The following CCDC7 variants were observed in gnomAD, a reference collection of about 807,000 sequenced individuals.
CCDC7 encodes coiled-coil domain containing 7.
CCDC7 carries 183 observed loss-of-function variants against 196.9 expected under a neutral mutation model. That is an observed-to-expected ratio of 0.93 (90% CI 0.82 to 1.05). The LOEUF is 1.05. Among genes scored for constraint, CCDC7 ranks in the 50% least tolerant of loss-of-function variants. CCDC7 has a pLI of 0.00. For missense variants in CCDC7, 1,540 were observed against 1,482.2 expected, an observed-to-expected ratio of 1.04 and a Z score of -0.64; for synonymous variants, 525 against 484.6, an observed-to-expected ratio of 1.08 and a Z score of -1.10.
intron 28 of CCDC7, among the ~76,000 whole-genome samples, chr10:32,752,763 G>C (rs2075856215): frequency 6.6e-6 from 1 of 152,074 alleles, no homozygotes; most frequent in African/African-American, 2.4e-5. Context: ...GTACCCATAA[G>C]ATTTCTGAAG....
chr10:32,827,655 G>T (rs566446838), intron 32 of CCDC7, among the ~76,000 whole-genome samples: 1 of 150,004 alleles, frequency 6.7e-6, no homozygotes, highest in Admixed American at 6.7e-5. Context: ...GGGGTGGGGG[G>T]CTGGGGGAGG....
chr10:32,448,369 G>A (rs1171766164), upstream of CCDC7, among the ~76,000 whole-genome samples: 2 of 151,506 alleles, frequency 1.3e-5, no homozygotes, highest in Non-Finnish European at 2.9e-5. Flanking sequence ...TTTTCCAGCG[G>A]GGTGTCATCT....
intron 25 of CCDC7, among the ~76,000 whole-genome samples, chr10:32,723,556 A>G (rs1011220690): frequency 6.6e-6 from 1 of 152,128 alleles, no homozygotes; most frequent in Non-Finnish European, 1.5e-5. Flanking sequence ...AAATCTTTCT[A>G]AGCCCAAATA....
intron 21 of CCDC7, among the ~76,000 whole-genome samples, chr10:32,684,200 A>G (rs1294104254): frequency 6.6e-6 from 1 of 152,144 alleles, no homozygotes; most frequent in Non-Finnish European, 1.5e-5. Flanking sequence ...TCAGTATCCT[A>G]GATGGGGCCC....
chr10:32,764,561 T>A (rs2077976038), intron 28 of CCDC7, among the ~76,000 whole-genome samples: 1 of 151,814 alleles, frequency 6.6e-6, no homozygotes. Flanking sequence ...CTATACTAAG[T>A]GAAGTTGAAA....
chr10:32,798,835 G>A (rs1322638069), intron 29 of CCDC7, among the ~76,000 whole-genome samples: 1 of 152,198 alleles, frequency 6.6e-6, no homozygotes. Flanking sequence ...CCACTGTTGG[G>A]TGGTGCCTGT....
intron 28 of CCDC7, among the ~76,000 whole-genome samples, chr10:32,745,570 G>A (rs888351136): frequency 1.3e-5 from 2 of 152,114 alleles, no homozygotes; most frequent in Non-Finnish European, 2.9e-5. Flanking sequence ...TATGAGGGCA[G>A]CACCAAGACA....
intron 28 of CCDC7, among the ~76,000 whole-genome samples, chr10:32,735,825 C>T (rs908864739): frequency 1.3e-5 from 2 of 152,060 alleles, no homozygotes; most frequent in Non-Finnish European, 2.9e-5. Context: ...ATCTATGATC[C>T]ACTATGAGTT....
At chr10:32,645,366 T>C (rs1157507604) in intron 20 of CCDC7, among the ~76,000 whole-genome samples, 1 of 152,188 alleles carries the variant, frequency 6.6e-6, no homozygotes, top group Non-Finnish European at 1.5e-5. Flanking sequence ...TTCCCTGATA[T>C]GAATCCCACT....
At position 32,543,390 on chromosome 10, in the gene CCDC7, G is replaced by A; in HGVS notation, c.1079+5G>A. On this transcript the variant is annotated splice_donor_5th_base_variant and intron_variant, in intron 12 of 41. Coordinates refer to ENST00000639629, the Ensembl canonical transcript of CCDC7. ...AAAATCTGAGGATTCAGAAAAGTAA[G>A]ACATAAAGATACATGTTAATCTTTT... 1.5e-6 allele frequency: 2 copies of A among 1,359,624 alleles called. No homozygotes were observed. Among genetic ancestry groups the A allele is most frequent in the Non-Finnish European group, 2.0e-6 (2 of 1,018,014 alleles). 84.2% of individuals were successfully genotyped at this position (1,359,624 alleles called of 1,614,324 possible). A position where few individuals can be genotyped will look rare whatever the true frequency, so the allele number is the denominator to read the frequency against.
chr10:32,833,506 C>T (rs1405365513), intron 32 of CCDC7, among the ~76,000 whole-genome samples: 1 of 151,982 alleles, frequency 6.6e-6, no homozygotes, highest in Non-Finnish European at 1.5e-5. Flanking sequence ...AGTGCTTAAA[C>T]CTATCTGTCC....
intron 20 of CCDC7, among the ~76,000 whole-genome samples, chr10:32,645,829 T>C (rs188327462): frequency 6.6e-6 from 1 of 152,178 alleles, no homozygotes; most frequent in Admixed American, 6.5e-5. Flanking sequence ...TGGCATATAG[T>C]TGTTTGTAGT....
intron 29 of CCDC7, among the ~76,000 whole-genome samples, chr10:32,780,638 A>G (rs549282882): frequency 6.6e-6 from 1 of 152,182 alleles, no homozygotes; most frequent in Non-Finnish European, 1.5e-5. Context: ...TGGTGCATGC[A>G]TGAAGAAAAG....
intron 29 of CCDC7, among the ~76,000 whole-genome samples, chr10:32,800,549 C>T (rs937298637): frequency 1.3e-5 from 2 of 152,118 alleles, no homozygotes; most frequent in Non-Finnish European, 2.9e-5. Flanking sequence ...TTGAGTCCCC[C>T]GGAATCAATG....
At chr10:32,711,397 AAC>A (rs752235015) in intron 24 of CCDC7, among the ~76,000 whole-genome samples, 7 of 152,136 alleles carry the variant, frequency 4.6e-5, no homozygotes, top group Non-Finnish European at 8.8e-5. Context: ...ACTAATATAA[AAC>A]ACATTTAATA....
intron 17 of CCDC7, among the ~76,000 whole-genome samples, chr10:32,583,626 A>G (rs2058952630): frequency 6.6e-6 from 1 of 152,096 alleles, no homozygotes; most frequent in African/African-American, 2.4e-5. Context: ...TCATCTACAA[A>G]AAAAATTTTT....
chr10:32,817,048 A>G (rs1216496760), intron 31 of CCDC7, among the ~76,000 whole-genome samples: 1 of 152,228 alleles, frequency 6.6e-6, no homozygotes, highest in Non-Finnish European at 1.5e-5. Context: ...GAGCTAAAGC[A>G]GGAAGTTCGA....
At chr10:32,751,879 A>G (rs1468144546) in intron 28 of CCDC7, among the ~76,000 whole-genome samples, 1 of 152,182 alleles carries the variant, frequency 6.6e-6, no homozygotes, top group Non-Finnish European at 1.5e-5. Flanking sequence ...TTTATGAACC[A>G]CAATATTGGT....
intron 18 of CCDC7, among the ~76,000 whole-genome samples, chr10:32,614,478 C>G (rs114653720): frequency 0.019 from 2,892 of 152,146 alleles, 94 homozygotes; most frequent in African/African-American, 0.066. Context: ...GAATTTGATC[C>G]TGTCATTATG....
Sources: gnomAD v4.1 joint callset for allele counts (sites outside exome capture counted in the v4.1 genomes callset) on GRCh38, gnomAD v4.1.1 for gene constraint, MANE v1.5 for transcripts, NCBI Gene and HGNC (gene_info 2026-07-23, HGNC 2026-07-21) for gene names.